The following LRRC37A2 variants were observed in gnomAD, a reference collection of about 807,000 sequenced individuals.
LRRC37A2 encodes leucine-rich repeat-containing protein 37A2.
In LRRC37A2, 9 loss-of-function variants were observed where a neutral mutation model predicts 68.8. That is an observed-to-expected ratio of 0.13 (90% CI 0.08 to 0.23). The LOEUF (loss-of-function observed/expected upper bound fraction) is 0.23, where lower values mean the gene tolerates loss of function less well. Ranked by LOEUF, LRRC37A2 falls within the 10% of genes least tolerant of loss-of-function variation. LRRC37A2 has a pLI of 1.00. For synonymous variants in LRRC37A2, 63 were observed against 367.6 expected (o/e 0.17, Z 9.48); for missense variants, 168 against 950.4 (o/e 0.18, Z 10.82).
chr17:46,490,683 C>T, the LRRC37A2 span, among the ~76,000 whole-genome samples: 3 of 147,716 alleles, frequency 2.0e-5, no homozygotes, highest in East Asian at 4.0e-4. Context: ...GATATCATGC[C>T]ACTGCACTTC....
At chr17:46,860,359 G>T in the LRRC37A2 span, among the ~76,000 whole-genome samples, 13 of 152,152 alleles carry the variant, frequency 8.5e-5, no homozygotes, top group Non-Finnish European at 1.6e-4. Flanking sequence ...GGTGGGCCAG[G>T]TGCTGTGAGG....
the LRRC37A2 span, among the ~76,000 whole-genome samples, chr17:46,816,458 A>T: frequency 7.3e-6 from 1 of 137,522 alleles, no homozygotes; most frequent in Non-Finnish European, 1.5e-5. Flanking sequence ...TCTTAGGGTC[A>T]TAGACCCAGA....
the LRRC37A2 span, among the ~76,000 whole-genome samples, chr17:47,033,549 T>G: frequency 6.6e-6 from 1 of 152,232 alleles, no homozygotes; most frequent in African/African-American, 2.4e-5. Context: ...TTGGAGTTTG[T>G]CATTTAAATT....
chr17:46,967,234 G>T, the LRRC37A2 span, among the ~76,000 whole-genome samples: 3 of 152,232 alleles, frequency 2.0e-5, no homozygotes, highest in African/African-American at 7.2e-5. Context: ...ACACCAGTCT[G>T]CCTGGGTTTG....
the LRRC37A2 span, among the ~76,000 whole-genome samples, chr17:47,009,543 T>A: frequency 1.3e-5 from 2 of 152,168 alleles, no homozygotes; most frequent in Admixed American, 6.5e-5. Context: ...GAGACCAAAT[T>A]TCCAGCATGT....
At chr17:47,006,573 C>T in the LRRC37A2 span, among the ~76,000 whole-genome samples, 1 of 152,174 alleles carries the variant, frequency 6.6e-6, no homozygotes. Context: ...GATCGCACCA[C>T]TGCACTCCAG....
the LRRC37A2 span, among the ~76,000 whole-genome samples, chr17:47,026,794 G>A: frequency 6.6e-6 from 1 of 152,132 alleles, no homozygotes; most frequent in Admixed American, 6.5e-5. Context: ...TATGTATTAG[G>A]TAAAGGGGTA....
chr17:46,979,693 T>C, the LRRC37A2 span, among the ~76,000 whole-genome samples: 14 of 152,036 alleles, frequency 9.2e-5, no homozygotes, highest in Non-Finnish European at 1.5e-4. Context: ...GGGTGAAAGC[T>C]GTCGCGGCGA....
At chr17:46,804,944 C>T in the LRRC37A2 span, among the ~76,000 whole-genome samples, 2 of 133,188 alleles carry the variant, frequency 1.5e-5, no homozygotes, top group African/African-American at 5.7e-5. Context: ...AAGCCAGCAG[C>T]ACCAACCCCC....
At chr17:46,723,825 A>G in the LRRC37A2 span, among the ~76,000 whole-genome samples, 4 of 152,240 alleles carry the variant, frequency 2.6e-5, no homozygotes, top group South Asian at 4.2e-4. Context: ...TCAATTAACT[A>G]TTATTCCCCT....
the LRRC37A2 span, among the ~76,000 whole-genome samples, chr17:46,829,883 T>C: frequency 6.6e-6 from 1 of 152,088 alleles, no homozygotes; most frequent in Non-Finnish European, 1.5e-5. Context: ...TTGGGCAAGT[T>C]ATCTAGATCT....
chr17:46,860,057 G>C, the LRRC37A2 span, among the ~76,000 whole-genome samples: 1 of 152,326 alleles, frequency 6.6e-6, no homozygotes, highest in African/African-American at 2.4e-5. Context: ...TGCTTTGGGG[G>C]TGGTGGACTG....
intron 11 of LRRC37A2, among the ~76,000 whole-genome samples, chr17:46,551,036 C>T (rs2056748107): frequency 6.7e-6 from 1 of 149,878 alleles, no homozygotes; most frequent in South Asian, 2.1e-4. Flanking sequence ...ACAGAGTAGC[C>T]ATCTTTTACA....
chr17:47,027,134 A>G, the LRRC37A2 span, among the ~76,000 whole-genome samples: 1 of 152,240 alleles, frequency 6.6e-6, no homozygotes, highest in African/African-American at 2.4e-5. Flanking sequence ...GATGGTCTCA[A>G]TATCCTGACC....
chr17:46,745,395 CTT>C, the LRRC37A2 span, among the ~76,000 whole-genome samples: 1 of 152,192 alleles, frequency 6.6e-6, no homozygotes, highest in African/African-American at 2.4e-5. Flanking sequence ...GTCATGACCT[CTT>C]TGCAGTTTTT....
At chr17:46,797,572 T>C in the LRRC37A2 span, among the ~76,000 whole-genome samples, 1 of 152,230 alleles carries the variant, frequency 6.6e-6, no homozygotes, top group Non-Finnish European at 1.5e-5. Context: ...ACAACCTCTT[T>C]GGAAAACAGT....
chr17:46,923,928 T>G, the LRRC37A2 span: 1 of 398,572 alleles, frequency 2.5e-6, no homozygotes, highest in Non-Finnish European at 4.4e-6. Context: ...ATTATGATTT[T>G]TACCCTGTTT....
the LRRC37A2 span, among the ~76,000 whole-genome samples, chr17:46,454,069 T>C: frequency 2.3e-5 from 2 of 88,616 alleles, 1 homozygote; most frequent in African/African-American, 8.6e-5. Context: ...CTGAGTAAAT[T>C]TAGTTCAAAA....
At chr17:46,787,149 A>G in the LRRC37A2 span, among the ~76,000 whole-genome samples, 251 of 152,076 alleles carry the variant, frequency 1.7e-3, 3 homozygotes, top group Middle Eastern at 0.024. Flanking sequence ...TATATTGCCC[A>G]GGCTGGGTTT....
Sources: gnomAD v4.1 joint callset for allele counts (sites outside exome capture counted in the v4.1 genomes callset) on GRCh38, gnomAD v4.1.1 for gene constraint, MANE v1.5 for transcripts, NCBI Gene and HGNC (gene_info 2026-07-23, HGNC 2026-07-21) for gene names.